Variants in ADAMTS19 observed in about 807,000 individuals in gnomAD.
The protein encoded by ADAMTS19 is ADAM metallopeptidase with thrombospondin type 1 motif 19, also known as A disintegrin and metalloproteinase with thrombospondin motifs 19.
A neutral mutation model predicts 153.3 loss-of-function variants in ADAMTS19; 93 were observed. The ratio of observed to expected loss-of-function variants is 0.61; its 90% CI spans 0.51 to 0.72. The LOEUF is 0.72. Ranked by LOEUF, ADAMTS19 falls within the 30% of genes least tolerant of loss-of-function variation. The pLI, the probability that ADAMTS19 is intolerant of heterozygous loss-of-function variation, is 0.00. For synonymous variants in ADAMTS19, 600 were observed against 556.6 expected (o/e 1.08, Z -1.10); for missense variants, 1,482 against 1,552.1 (o/e 0.95, Z 0.76).
At chr5:129,561,208 T>C (rs1290705690) in intron 7 of ADAMTS19, among the ~76,000 whole-genome samples, 4 of 152,168 alleles carry the variant, frequency 2.6e-5, no homozygotes, top group African/African-American at 9.7e-5. Flanking sequence ...TTGTTTGGGT[T>C]CTAGAAGACA....
chr5:129,635,473 C>T (rs1043752687), intron 10 of ADAMTS19, among the ~76,000 whole-genome samples: 1 of 152,152 alleles, frequency 6.6e-6, no homozygotes, highest in African/African-American at 2.4e-5. Flanking sequence ...TACTGCAGCA[C>T]TATTCACAAT....
chr5:129,554,545 T>C (rs1482298991), intron 7 of ADAMTS19, among the ~76,000 whole-genome samples: 1 of 152,128 alleles, frequency 6.6e-6, no homozygotes, highest in Non-Finnish European at 1.5e-5. Flanking sequence ...CCCTGATCAC[T>C]ATAATCAGGA....
At chr5:129,493,243 T>C (rs927049777) in intron 2 of ADAMTS19, among the ~76,000 whole-genome samples, 5 of 152,210 alleles carry the variant, frequency 3.3e-5, no homozygotes, top group East Asian at 1.9e-4. Flanking sequence ...TTATGTGCTA[T>C]TTTTAATTGC....
chr5:129,573,590 A>C (rs2126868848), intron 7 of ADAMTS19, among the ~76,000 whole-genome samples: 1 of 152,214 alleles, frequency 6.6e-6, no homozygotes, highest in East Asian at 1.9e-4. Flanking sequence ...CTGATAAGAA[A>C]ATATTTCCTA....
Position 129,631,684 on chromosome 5 carries a change from A to AT in ADAMTS19, c.1770+9343dup, listed in dbSNP as rs1180808767. ...GATATTAATCTGATTTTGTGTGTTT[A>AT]TTTTTTTGCATGGTATATTATGCTT... On this transcript the variant is annotated intron_variant, in intron 10 of 22. Transcript: ENST00000274487. Among the ~76,000 whole-genome samples, 3 of 151,428 alleles carry AT rather than the reference A, an allele frequency of 2.0e-5. No homozygotes were observed. In the East Asian group the frequency reaches 5.8e-4, roughly 29 times the overall value.
chr5:129,692,288 A>C (rs547008449), intron 18 of ADAMTS19, among the ~76,000 whole-genome samples: 1 of 152,292 alleles, frequency 6.6e-6, no homozygotes, highest in African/African-American at 2.4e-5. Flanking sequence ...AATCTGTCCC[A>C]AAATTTTACA....
In ADAMTS19 at chr5:129,522,754, C is replaced by G. The variant is rs149997146; in HGVS notation, c.914-3530C>G. Among the ~76,000 whole-genome samples the G allele has an allele frequency of 4.9e-3, 747 of 152,072 alleles. 4 individuals carry two copies. Among genetic ancestry groups the G allele is most frequent in the Non-Finnish European group, 6.8e-3 (461 of 67,950 alleles). On this transcript the variant is annotated intron_variant, in intron 3 of 22. Transcript: ENST00000274487. ...AGTCATAATACAAAGGAAACAGTAA[C>G]TCAAGAATCCAAGAGATAAGGCTGG...
chr5:129,533,866 C>T (rs1290945719), intron 6 of ADAMTS19, among the ~76,000 whole-genome samples: 1 of 152,208 alleles, frequency 6.6e-6, no homozygotes, highest in Admixed American at 6.5e-5. Flanking sequence ...AGTAGTCATT[C>T]AGGAGCAGGT....
At chr5:129,581,829 CTTAT>C (rs1554095616) in intron 7 of ADAMTS19, among the ~76,000 whole-genome samples, 2 of 152,066 alleles carry the variant, frequency 1.3e-5, no homozygotes, top group Non-Finnish European at 2.9e-5. Context: ...TTTTAAATAA[CTTAT>C]TTATTTCTGC....
At position 129,648,787 on chromosome 5, in the gene ADAMTS19, T is replaced by G. The variant is rs775079258; in HGVS notation, c.2004-11T>G. The G allele has an allele frequency of 6.2e-7, 1 of 1,609,778 alleles. No individual in the cohort carries two copies. Among genetic ancestry groups the G allele is most frequent in the Non-Finnish European group, 8.5e-7 (1 of 1,178,602 alleles). ...AAACATAAAATTGATTATTTGTACTTTCTTTTCTAGGCTAGATTCTGAAGC... is the reference window on the plus strand; with the variant it reads ...AAACATAAAATTGATTATTTGTACTGTCTTTTCTAGGCTAGATTCTGAAGC... On this transcript the variant is annotated splice_polypyrimidine_tract_variant and intron_variant, in intron 12 of 22. Coordinates refer to ENST00000274487, the MANE Select transcript of ADAMTS19 (RefSeq NM_133638.6).
intron 10 of ADAMTS19, 66 bp downstream of exon 10, chr5:129,622,414 G>C: frequency 6.4e-7 from 1 of 1,558,736 alleles, no homozygotes; most frequent in Non-Finnish European, 8.7e-7. Flanking sequence ...GGTAGGAGAA[G>C]GTAACATTAT....
At chr5:129,642,264 G>T (rs1011966071) in intron 11 of ADAMTS19, among the ~76,000 whole-genome samples, 1 of 151,886 alleles carries the variant, frequency 6.6e-6, no homozygotes, top group African/African-American at 2.4e-5. Context: ...TTAAACAGAA[G>T]TAAATTAAGC....
chr5:129,536,009 C>A (rs1485156333), intron 6 of ADAMTS19, among the ~76,000 whole-genome samples: 5 of 152,268 alleles, frequency 3.3e-5, no homozygotes, highest in Admixed American at 1.3e-4. Flanking sequence ...TGGGCAAGGA[C>A]TTCATGTCTA....
At chr5:129,570,495 T>A (rs967760470) in intron 7 of ADAMTS19, among the ~76,000 whole-genome samples, 1 of 151,442 alleles carries the variant, frequency 6.6e-6, no homozygotes, top group Middle Eastern at 3.2e-3. Context: ...AAAGAAAAAA[T>A]TAAGTTAAAG....
At chr5:129,599,800 A>G (rs888254010) in intron 8 of ADAMTS19, among the ~76,000 whole-genome samples, 1 of 152,166 alleles carries the variant, frequency 6.6e-6, no homozygotes, top group Non-Finnish European at 1.5e-5. Context: ...TTTGACTTTT[A>G]TAGAGCTGTA....
Position 129,506,447 on chromosome 5 carries a change from T to A in ADAMTS19, c.748-2630T>A, listed in dbSNP as rs573028891. On this transcript the variant is annotated intron_variant, in intron 2 of 22. Coordinates refer to ENST00000274487, the MANE Select transcript of ADAMTS19 (RefSeq NM_133638.6). ...AAAAGTAGCTTTCTTGTTTTTTTTTTATTATAGTTTAAGTTTTAGGGTACA... is the reference window on the plus strand; with the variant it reads ...AAAAGTAGCTTTCTTGTTTTTTTTTAATTATAGTTTAAGTTTTAGGGTACA... Among the ~76,000 whole-genome samples the A allele has an allele frequency of 3.3e-5, 5 of 151,742 alleles. No homozygotes were observed. The East Asian group carries it at 5.8e-4, about 18-fold the overall frequency.
intron 3 of ADAMTS19, among the ~76,000 whole-genome samples, chr5:129,510,957 A>G (rs1291863878): frequency 1.3e-5 from 2 of 151,570 alleles, no homozygotes; most frequent in Non-Finnish European, 2.9e-5. Flanking sequence ...AGCTATCATC[A>G]GCTAAATGAT....
At position 129,711,126 on chromosome 5, in the gene ADAMTS19, A is replaced by C. The variant is rs368800100; in HGVS notation, c.3312+6735A>C. On this transcript the variant is annotated intron_variant, in intron 21 of 22. Coordinates refer to ENST00000274487, the MANE Select transcript of ADAMTS19 (RefSeq NM_133638.6). ...TTAACATAACTAAATGAAGCAGGCT[A>C]TTAGAGGGAAACTCAATCCCTTGTT... Among the ~76,000 whole-genome samples, 74 of 152,302 alleles carry C rather than the reference A, an allele frequency of 4.9e-4. 2 individuals carry two copies. The South Asian group carries it at 0.015, about 32-fold the overall frequency.
At chr5:129,697,172 T>C (rs1411912469) in intron 19 of ADAMTS19, among the ~76,000 whole-genome samples, 1 of 152,098 alleles carries the variant, frequency 6.6e-6, no homozygotes, top group Non-Finnish European at 1.5e-5. Flanking sequence ...AAGAGTCTAT[T>C]TGGTTAGTCT....
Sources: allele counts gnomAD v4.1 joint callset (sites outside exome capture counted in the v4.1 genomes callset), GRCh38; gene constraint gnomAD v4.1.1; transcripts MANE v1.5; gene names NCBI Gene and HGNC (gene_info 2026-07-23, HGNC 2026-07-21).